TAFA5: variants seen among roughly 807,000 people sequenced by gnomAD.
TAFA5 encodes the protein chemokine-like protein TAFA-5.
A neutral mutation model predicts 15.3 loss-of-function variants in TAFA5; 6 were observed. That is an observed-to-expected ratio of 0.39 (90% CI 0.21 to 0.77). The LOEUF (loss-of-function observed/expected upper bound fraction) is 0.77, where lower values mean the gene tolerates loss of function less well. Ranked by LOEUF, TAFA5 falls within the 30% of genes least tolerant of loss-of-function variation. The pLI, the probability that TAFA5 is intolerant of heterozygous loss-of-function variation, is 0.41. For synonymous variants in TAFA5, 103 were observed against 80.7 expected (o/e 1.28, Z -1.48); for missense variants, 161 against 193.1 (o/e 0.83, Z 0.98).
intron 2 of TAFA5, among the ~76,000 whole-genome samples, chr22:48,673,517 G>A (rs1927867490): frequency 6.6e-6 from 1 of 152,186 alleles, no homozygotes; most frequent in African/African-American, 2.4e-5. Context: ...ATGGCTGTTG[G>A]GCTCTGCTGG....
intron 3 of TAFA5, among the ~76,000 whole-genome samples, chr22:48,717,389 C>CA (rs1929433780): frequency 1.3e-5 from 2 of 152,156 alleles, no homozygotes; most frequent in African/African-American, 4.8e-5. Context: ...GAGCCCTGCA[C>CA]GTACCTGTGC....
intron 1 of TAFA5, among the ~76,000 whole-genome samples, chr22:48,497,941 CGGGGCTGAAGAGTGGGGT>C (rs377709783): frequency 0.046 from 1,901 of 40,936 alleles, 2 homozygotes; most frequent in East Asian, 0.13. Flanking sequence ...CACCTGGAGG[CGGGGCTGAAGAGTGGGGT>C]GGGGCCCACC....
At chr22:48,528,779 A>C (rs1294216315) in intron 1 of TAFA5, among the ~76,000 whole-genome samples, 1 of 152,206 alleles carries the variant, frequency 6.6e-6, no homozygotes, top group African/African-American at 2.4e-5. Flanking sequence ...GGCCCCACTC[A>C]GCAGCTGTGC....
At chr22:48,725,953 T>C (rs1352377467) in intron 3 of TAFA5, among the ~76,000 whole-genome samples, 1 of 152,158 alleles carries the variant, frequency 6.6e-6, no homozygotes, top group Non-Finnish European at 1.5e-5. Flanking sequence ...AAAAACACCC[T>C]GGATCTAGCC....
At chr22:48,604,047 T>C (rs944745086) in intron 1 of TAFA5, among the ~76,000 whole-genome samples, 2 of 152,346 alleles carry the variant, frequency 1.3e-5, no homozygotes, top group Non-Finnish European at 2.9e-5. Flanking sequence ...TGGACAGCAC[T>C]GGACTGTGTG....
intron 1 of TAFA5, among the ~76,000 whole-genome samples, chr22:48,587,230 C>T (rs1488590532): frequency 5.9e-5 from 9 of 152,190 alleles, no homozygotes; most frequent in Admixed American, 5.9e-4. Context: ...CATTCCGGGG[C>T]TCTGGGATGC....
chr22:48,586,153 G>A (rs1786541630), intron 1 of TAFA5, among the ~76,000 whole-genome samples: 1 of 152,282 alleles, frequency 6.6e-6, no homozygotes, highest in Admixed American at 6.5e-5. Context: ...TCACAGCTGG[G>A]GCAAGTGTGG....
At chr22:48,677,150 C>T (rs1427600558) in intron 2 of TAFA5, among the ~76,000 whole-genome samples, 1 of 152,266 alleles carries the variant, frequency 6.6e-6, no homozygotes, top group Non-Finnish European at 1.5e-5. Context: ...GTTTCCGGCA[C>T]AGGCCAGCTG....
At chr22:48,652,761 A>G (rs921004089) in intron 2 of TAFA5, among the ~76,000 whole-genome samples, 2 of 152,222 alleles carry the variant, frequency 1.3e-5, no homozygotes, top group African/African-American at 4.8e-5. Flanking sequence ...GGTACCTTCC[A>G]GTACGCGACG....
chr22:48,639,234 C>T (rs545277554), intron 1 of TAFA5, among the ~76,000 whole-genome samples: 111 of 152,310 alleles, frequency 7.3e-4, no homozygotes, highest in African/African-American at 2.5e-3. Context: ...CCCCCGGGCC[C>T]CACCTTCCCA....
intron 2 of TAFA5, among the ~76,000 whole-genome samples, chr22:48,655,637 G>T (rs1927210083): frequency 6.6e-6 from 1 of 152,124 alleles, no homozygotes; most frequent in African/African-American, 2.4e-5. Context: ...TGCATTGGGG[G>T]TTAAGTTTCC....
chr22:48,502,412 G>GAGCCTTCCCA (rs59064998), intron 1 of TAFA5, among the ~76,000 whole-genome samples: 86 of 68,770 alleles, frequency 1.3e-3, no homozygotes, highest in Non-Finnish European at 1.8e-3. Flanking sequence ...TGGGGGAGCT[G>GAGCCTTCCCA]GGAGTACTTT....
At chr22:48,713,195 G>A (rs558476605) in intron 3 of TAFA5, among the ~76,000 whole-genome samples, 2 of 152,310 alleles carry the variant, frequency 1.3e-5, no homozygotes, top group South Asian at 4.1e-4. Flanking sequence ...GTTTCTGTAT[G>A]GTTCTATTCG....
intron 1 of TAFA5, among the ~76,000 whole-genome samples, chr22:48,612,886 G>T (rs1343444844): frequency 6.6e-6 from 1 of 152,152 alleles, no homozygotes; most frequent in African/African-American, 2.4e-5. Context: ...TGGTCATCGT[G>T]GGGAGCAGTG....
At chr22:48,680,127 C>A (rs1011741146) in intron 2 of TAFA5, among the ~76,000 whole-genome samples, 6 of 152,338 alleles carry the variant, frequency 3.9e-5, no homozygotes, top group Admixed American at 3.3e-4. Context: ...ATGGTCCCCC[C>A]ACCCTGTGTG....
At chr22:48,593,670 C>T (rs1202627631) in intron 1 of TAFA5, among the ~76,000 whole-genome samples, 1 of 152,180 alleles carries the variant, frequency 6.6e-6, no homozygotes, top group Admixed American at 6.5e-5. Flanking sequence ...TCTCACCGCG[C>T]GCTCGGGTGC....
At chr22:48,607,387 C>A (rs1925231295) in intron 1 of TAFA5, among the ~76,000 whole-genome samples, 2 of 137,974 alleles carry the variant, frequency 1.4e-5, no homozygotes, top group African/African-American at 5.7e-5. Flanking sequence ...CCCACCCATC[C>A]CAGGTACCTC....
intron 1 of TAFA5, chr22:48,547,067 C>T (rs915718251): frequency 6.5e-6 from 1 of 153,018 alleles, no homozygotes; most frequent in Admixed American, 6.5e-5. Context: ...TGTGTTTCCC[C>T]CCAGCTCCCA....
In TAFA5 at chr22:48,749,922, A is replaced by G; in HGVS notation, c.*75A>G. 7.2e-7 allele frequency: 1 copy of G among 1,393,522 alleles called. No homozygotes were observed. The highest frequency in any genetic ancestry group is 9.9e-7 in the Non-Finnish European group (1 of 1,007,674). 86.3% of individuals were successfully genotyped at this position (1,393,522 alleles called of 1,614,324 possible). On this transcript the variant is annotated 3_prime_UTR_variant, in exon 4 of 4. Transcript: ENST00000402357. Reference sequence around the variant, plus strand: ...GCCCACGTCTCAGCCACAGTTCTCCACTCGCCTCGGACTTCACCCGTTCTC... The same window carrying G: ...GCCCACGTCTCAGCCACAGTTCTCCGCTCGCCTCGGACTTCACCCGTTCTC...
Sources: gnomAD v4.1 joint callset for allele counts (sites outside exome capture counted in the v4.1 genomes callset) on GRCh38, gnomAD v4.1.1 for gene constraint, MANE v1.5 for transcripts, NCBI Gene and HGNC (gene_info 2026-07-23, HGNC 2026-07-21) for gene names.